MIPOL1: variants seen among roughly 807,000 people sequenced by gnomAD.
The protein encoded by MIPOL1 is mirror-image polydactyly gene 1 protein.
In MIPOL1, 57 loss-of-function variants were observed where a neutral mutation model predicts 60.9. The ratio of observed to expected loss-of-function variants is 0.94; its 90% CI spans 0.76 to 1.17. MIPOL1 has a LOEUF of 1.17. Ranked by LOEUF, MIPOL1 falls within the 50% of genes most tolerant of loss-of-function variation. The probability of loss-of-function intolerance (pLI) is 0.00; values close to 1 mark genes in which losing one functional copy is unlikely to be tolerated. For synonymous variants in MIPOL1, 179 were observed against 168.8 expected (o/e 1.06, Z -0.47); for missense variants, 551 against 511.6 (o/e 1.08, Z -0.74).
intron 10 of MIPOL1, among the ~76,000 whole-genome samples, chr14:37,402,616 G>T (rs2153531229): frequency 1.3e-5 from 2 of 152,284 alleles, no homozygotes; most frequent in South Asian, 4.1e-4. Context: ...CCTATTGAAA[G>T]CAGTTCTGAA....
intron 12 of MIPOL1, among the ~76,000 whole-genome samples, chr14:37,529,814 A>C (rs1343831110): frequency 6.6e-6 from 1 of 152,212 alleles, no homozygotes; most frequent in East Asian, 1.9e-4. Context: ...TCACCCTGGC[A>C]GGAGCGGAGG....
intron 11 of MIPOL1, chr14:37,423,747 C>G (rs1297532892): frequency 6.6e-6 from 1 of 151,966 alleles, no homozygotes; most frequent in Admixed American, 6.6e-5. Context: ...TGGACCTTTT[C>G]TCAGAATAAA....
chr14:37,410,648 T>G (rs974590554), intron 10 of MIPOL1, among the ~76,000 whole-genome samples: 1 of 152,138 alleles, frequency 6.6e-6, no homozygotes, highest in Non-Finnish European at 1.5e-5. Context: ...GGTTTAAAAC[T>G]ATGTAAAAAG....
intron 10 of MIPOL1, among the ~76,000 whole-genome samples, chr14:37,407,827 T>C (rs2093613645): frequency 6.9e-6 from 1 of 144,896 alleles, no homozygotes; most frequent in Non-Finnish European, 1.5e-5. Context: ...ATTTTTTCTT[T>C]TCTTTCTTCT....
chr14:37,294,240 C>T (rs1313536921), intron 7 of MIPOL1, among the ~76,000 whole-genome samples: 1 of 152,188 alleles, frequency 6.6e-6, no homozygotes, highest in African/African-American at 2.4e-5. Flanking sequence ...AGACCTGCAG[C>T]TCAGGGTCCT....
In MIPOL1 at chr14:37,550,087, G is replaced by A. The variant is rs2095558129; in HGVS notation, c.*3116G>A. 1 of 151,498 alleles carries A rather than the reference G, an allele frequency of 6.6e-6. No homozygotes were observed. The allele number at this position is 151,498 out of a possible 1,614,324, so 9.4% of individuals were successfully genotyped here. On this transcript the variant is annotated 3_prime_UTR_variant, in exon 13 of 13. Coordinates refer to ENST00000684589, the MANE Select transcript of MIPOL1 (RefSeq NM_001388067.1). ...TATAAATAAGTTAGAAATTATTAATGTATTTTAAATATGGAGTAAAATATT... is the reference window on the plus strand; with the variant it reads ...TATAAATAAGTTAGAAATTATTAATATATTTTAAATATGGAGTAAAATATT...
At chr14:37,400,146 A>T (rs1336924226) in intron 10 of MIPOL1, 1 of 152,116 alleles carries the variant, frequency 6.6e-6, no homozygotes, top group Non-Finnish European at 1.5e-5. Flanking sequence ...GCATAGGAAG[A>T]TAGGAAAGAC....
At chr14:37,273,486 C>G (rs1439221467) in intron 6 of MIPOL1, among the ~76,000 whole-genome samples, 1 of 150,636 alleles carries the variant, frequency 6.6e-6, no homozygotes, top group East Asian at 1.9e-4. Context: ...CATTTTTTAC[C>G]CACACCCTTT....
chr14:37,477,290 G>A (rs972821367), intron 11 of MIPOL1, among the ~76,000 whole-genome samples: 23 of 152,034 alleles, frequency 1.5e-4, no homozygotes, highest in South Asian at 1.0e-3. Context: ...GGATGAGATC[G>A]TAGAGAATTG....
intron 10 of MIPOL1, among the ~76,000 whole-genome samples, chr14:37,374,743 A>G (rs2092728843): frequency 6.6e-6 from 1 of 152,076 alleles, no homozygotes; most frequent in African/African-American, 2.4e-5. Flanking sequence ...TCATTGGTCT[A>G]TATATCTGTT....
chr14:37,490,264 G>T (rs2095028371), intron 11 of MIPOL1, among the ~76,000 whole-genome samples: 1 of 152,134 alleles, frequency 6.6e-6, no homozygotes, highest in Admixed American at 6.5e-5. Context: ...GAGTAAAACT[G>T]CCTACTCAAG....
chr14:37,544,325 C>T (rs111482484), intron 12 of MIPOL1, among the ~76,000 whole-genome samples: 2,043 of 152,286 alleles, frequency 0.013, 46 homozygotes, highest in African/African-American at 0.045. Flanking sequence ...CTAGGTGCAG[C>T]ATTTTTAGTG....
At chr14:37,366,152 A>G (rs1307498685) in intron 9 of MIPOL1, among the ~76,000 whole-genome samples, 10 of 151,126 alleles carry the variant, frequency 6.6e-5, no homozygotes, top group Non-Finnish European at 3.0e-5. Context: ...TTCATTTCAA[A>G]TTTATTCATT....
intron 12 of MIPOL1, among the ~76,000 whole-genome samples, chr14:37,530,671 A>G (rs777777921): frequency 7.2e-5 from 11 of 152,220 alleles, no homozygotes; most frequent in Non-Finnish European, 1.5e-4. Context: ...ATCATCCTTC[A>G]GAAGGCAATA....
At chr14:37,455,536 G>A (rs996194847) in intron 11 of MIPOL1, among the ~76,000 whole-genome samples, 1 of 152,032 alleles carries the variant, frequency 6.6e-6, no homozygotes, top group Non-Finnish European at 1.5e-5. Context: ...AACTGCTTTA[G>A]TTATCTGTAT....
intron 9 of MIPOL1, among the ~76,000 whole-genome samples, chr14:37,348,113 C>T (rs541273493): frequency 5.9e-5 from 9 of 152,210 alleles, no homozygotes; most frequent in South Asian, 4.1e-4. Flanking sequence ...CCCATCTTTA[C>T]GTCCATGCAT....
intron 9 of MIPOL1, among the ~76,000 whole-genome samples, chr14:37,347,390 G>A (rs916143963): frequency 1.6e-4 from 25 of 152,212 alleles, no homozygotes; most frequent in African/African-American, 3.9e-4. Context: ...GAGTAGATAC[G>A]GCTGAAGATA....
intron 9 of MIPOL1, among the ~76,000 whole-genome samples, chr14:37,311,834 T>C (rs369767562): frequency 8.5e-5 from 13 of 152,194 alleles, no homozygotes; most frequent in Non-Finnish European, 1.6e-4. Flanking sequence ...TTATTCAGAA[T>C]TCACCAGTTT....
At chr14:37,478,902 A>G (rs572228869) in intron 11 of MIPOL1, among the ~76,000 whole-genome samples, 3 of 152,314 alleles carry the variant, frequency 2.0e-5, no homozygotes, top group African/African-American at 2.4e-5. Context: ...ACTGTAAAAA[A>G]AAAGACAAAG....
Sources: gnomAD v4.1 joint callset for allele counts (sites outside exome capture counted in the v4.1 genomes callset) on GRCh38, gnomAD v4.1.1 for gene constraint, MANE v1.5 for transcripts, NCBI Gene and HGNC (gene_info 2026-07-23, HGNC 2026-07-21) for gene names.